The following SMURF2 variants were observed in gnomAD, a reference collection of about 807,000 sequenced individuals.
SMURF2 encodes SMAD specific E3 ubiquitin protein ligase 2, also known as E3 ubiquitin-protein ligase SMURF2.
Under a neutral mutation model 109.6 loss-of-function variants are expected in SMURF2, and 48 were observed. The observed-to-expected ratio is 0.44, with a 90% CI of 0.35 to 0.56. SMURF2 has a LOEUF of 0.56. SMURF2 is among the 20% of genes least tolerant of loss of function. The pLI is 0.01. For missense variants in SMURF2, 575 were observed against 909.0 expected (o/e 0.63, Z 4.72); for synonymous variants, 288 against 317.1 (o/e 0.91, Z 0.97).
intron 1 of SMURF2, among the ~76,000 whole-genome samples, chr17:64,651,065 CG>C (rs1238636249): frequency 4.6e-5 from 7 of 151,602 alleles, no homozygotes; most frequent in Admixed American, 3.9e-4. Context: ...TACATGGTGG[CG>C]GGTGCCTGTA....
intron 1 of SMURF2, among the ~76,000 whole-genome samples, chr17:64,619,504 G>GAAAAAA (rs1970173874): frequency 8.5e-6 from 1 of 118,118 alleles, no homozygotes; most frequent in South Asian, 2.7e-4. Context: ...AAAAAAAAAA[G>GAAAAAA]AAGAAGAATA....
At chr17:64,557,886 C>G (rs1347259943) in intron 12 of SMURF2, among the ~76,000 whole-genome samples, 164 bp from the exon 13 acceptor site, 1 of 151,942 alleles carries the variant, frequency 6.6e-6, no homozygotes, top group Non-Finnish European at 1.5e-5. Flanking sequence ...TCTACCGTAC[C>G]CAAATAGCAT....
chr17:64,598,831 C>T (rs1555688317), intron 2 of SMURF2, among the ~76,000 whole-genome samples: 4 of 152,142 alleles, frequency 2.6e-5, no homozygotes, highest in South Asian at 2.1e-4. Flanking sequence ...TGTAACCATT[C>T]ATGGCTTTTT....
intron 1 of SMURF2, among the ~76,000 whole-genome samples, chr17:64,625,814 G>A (rs2144701265): frequency 6.6e-6 from 1 of 152,168 alleles, no homozygotes; most frequent in South Asian, 2.1e-4. Flanking sequence ...CTTAAATAAT[G>A]GCTCTCTACT....
intron 1 of SMURF2, among the ~76,000 whole-genome samples, chr17:64,632,971 G>A (rs546036858): frequency 5.9e-5 from 9 of 152,310 alleles, no homozygotes; most frequent in African/African-American, 2.2e-4. Flanking sequence ...AGTATTTATT[G>A]TTATAACAGA....
chr17:64,650,374 G>A (rs1301412299), intron 1 of SMURF2, among the ~76,000 whole-genome samples: 1 of 150,784 alleles, frequency 6.6e-6, no homozygotes, highest in Non-Finnish European at 1.5e-5. Context: ...TTTCACACCT[G>A]GTTTTAACGC....
At chr17:64,574,059 CT>C (rs1338546484) in intron 9 of SMURF2, among the ~76,000 whole-genome samples, 1 of 152,016 alleles carries the variant, frequency 6.6e-6, no homozygotes, top group Non-Finnish European at 1.5e-5. Context: ...ACAGAATCAT[CT>C]GTACAACAAA....
chr17:64,648,523 G>A (rs1427924991), intron 1 of SMURF2, among the ~76,000 whole-genome samples: 1 of 152,102 alleles, frequency 6.6e-6, no homozygotes. Context: ...TGTAACTCCA[G>A]CATTCTGGGA....
intron 9 of SMURF2, among the ~76,000 whole-genome samples, chr17:64,572,219 A>G (rs1969407782): frequency 6.6e-6 from 1 of 152,370 alleles, no homozygotes; most frequent in East Asian, 1.9e-4. Flanking sequence ...ACAGATTTAA[A>G]TTAATATAAA....
At chr17:64,598,161 A>G (rs1222557401) in intron 3 of SMURF2, among the ~76,000 whole-genome samples, 4 of 152,194 alleles carry the variant, frequency 2.6e-5, no homozygotes, top group Admixed American at 1.3e-4. Context: ...CTCTACTGTG[A>G]GCCAGTTTCA....
chr17:64,572,046 T>A, intron 9 of SMURF2, 90 bp from the exon 10 acceptor site: 1 of 1,067,514 alleles, frequency 9.4e-7, no homozygotes, highest in East Asian at 2.8e-5. Flanking sequence ...TTCCACAAAG[T>A]GTGAGAAAAT....
chr17:64,594,900 G>C (rs746439976), intron 3 of SMURF2, among the ~76,000 whole-genome samples: 17 of 152,072 alleles, frequency 1.1e-4, no homozygotes, highest in Non-Finnish European at 2.1e-4. Flanking sequence ...TGAGGCAGGA[G>C]AATCACTTGA....
At position 64,543,016 on chromosome 17, in the gene SMURF2, A is replaced by G. The variant is rs1268515889; in HGVS notation, c.*2832T>C. The stretch of plus-strand genomic sequence containing the variant: ...TAAGCATTCATGATGGAAAGGCAAG[A>G]GTATGAAAACAGATATCACATATCT... On this transcript the variant is annotated 3_prime_UTR_variant, in exon 19 of 19. Transcript: ENST00000262435. 7 of 152,218 alleles carry G rather than the reference A, an allele frequency of 4.6e-5. No homozygotes were observed. The highest frequency in any genetic ancestry group is 1.7e-4 in the African/African-American group (7 of 41,452). The allele number at this position is 152,218 out of a possible 1,614,324, so 9.4% of individuals were successfully genotyped here.
intron 1 of SMURF2, among the ~76,000 whole-genome samples, chr17:64,609,644 A>G (rs1205601279): frequency 7.8e-6 from 1 of 128,482 alleles, no homozygotes; most frequent in Non-Finnish European, 1.5e-5. Context: ...AAAGACTTAA[A>G]CGTAAGACTT....
chr17:64,628,363 T>A (rs886266882), intron 1 of SMURF2, among the ~76,000 whole-genome samples: 7 of 152,194 alleles, frequency 4.6e-5, no homozygotes, highest in Admixed American at 2.0e-4. Context: ...TGACTAAGTA[T>A]TCTATGTATA....
intron 6 of SMURF2, 113 bp downstream of exon 6, chr17:64,585,973 A>T: frequency 1.8e-6 from 1 of 548,002 alleles, no homozygotes; most frequent in Non-Finnish European, 3.0e-6. Context: ...AGGAAAATCT[A>T]CATTCAATAT....
At chr17:64,635,918 A>G (rs999672239) in intron 1 of SMURF2, among the ~76,000 whole-genome samples, 1 of 152,184 alleles carries the variant, frequency 6.6e-6, no homozygotes, top group Non-Finnish European at 1.5e-5. Context: ...AGAGTGGTTG[A>G]ACTACTTTAC....
At chr17:64,602,150 G>C (rs1162740928) in intron 2 of SMURF2, among the ~76,000 whole-genome samples, 2 of 151,788 alleles carry the variant, frequency 1.3e-5, no homozygotes, top group African/African-American at 4.8e-5. Flanking sequence ...GCGTAAGAAT[G>C]ATATACTGGA....
intron 1 of SMURF2, among the ~76,000 whole-genome samples, chr17:64,645,149 G>A (rs1283540140): frequency 6.6e-6 from 1 of 152,120 alleles, no homozygotes; most frequent in African/African-American, 2.4e-5. Flanking sequence ...TTTAAGAAAA[G>A]ACAAGGAGTT....
Sources: gnomAD v4.1 joint callset for allele counts (sites outside exome capture counted in the v4.1 genomes callset) on GRCh38, gnomAD v4.1.1 for gene constraint, MANE v1.5 for transcripts, NCBI Gene and HGNC (gene_info 2026-07-23, HGNC 2026-07-21) for gene names.